Variants in GPR146 observed in about 807,000 individuals in gnomAD.
The protein encoded by GPR146 is G-protein coupled receptor 146.
For missense variants in GPR146, 381 were observed against 213.9 expected, an observed-to-expected ratio of 1.78 and a Z score of -4.87; for synonymous variants, 203 against 104.3, an observed-to-expected ratio of 1.95 and a Z score of -5.77.
At position 1,052,697 on chromosome 7, in the gene GPR146, G is replaced by A. The variant is rs557828884; in HGVS notation, c.-24-4795G>A. Reference sequence around the variant, plus strand: ...CCCTGCTGGCTGAGGGTGCAGTGGCGGGCCCCGGAAGCTGAATATCACCCC... The same window carrying A: ...CCCTGCTGGCTGAGGGTGCAGTGGCAGGCCCCGGAAGCTGAATATCACCCC... On this transcript the variant is annotated intron_variant, in intron 1 of 1. Coordinates refer to ENST00000444847, the MANE Select transcript of GPR146 (RefSeq NM_001303473.2). This position sits in a 1 kb window ranked among gnomAD's most constrained non-coding sequence, Gnocchi z 4.2. Among the ~76,000 whole-genome samples the A allele has an allele frequency of 1.1e-4, 16 of 152,182 alleles. 1 individual carries two copies. The highest frequency in any genetic ancestry group is 4.6e-4 in the Admixed American group (7 of 15,288).
intron 1 of GPR146, 100 bp from the exon 2 acceptor site, chr7:1,057,392 G>A (rs764780905): frequency 9.6e-5 from 58 of 605,176 alleles, no homozygotes; most frequent in Non-Finnish European, 1.4e-4. Context: ...GGTCTGCAGC[G>A]ATTACTGCAC....
chr7:1,046,307 G>A lies in GPR146; in HGVS notation c.-25+1649G>A, dbSNP rs530970064. On this transcript the variant is annotated intron_variant, in intron 1 of 1. Coordinates refer to ENST00000444847, the MANE Select transcript of GPR146 (RefSeq NM_001303473.2). ...ACCACAGCGAGGTCTTGCCTTTGCA[G>A]AAGGAAATTATCACCCAGAGAACCC... Among the ~76,000 whole-genome samples the A allele has an allele frequency of 7.9e-5, 12 of 152,340 alleles. No homozygotes were observed. The South Asian group carries it at 2.5e-3, about 32-fold the overall frequency.
intron 1 of GPR146, among the ~76,000 whole-genome samples, chr7:1,049,103 AC>A (rs1285333367): frequency 1.3e-5 from 2 of 152,158 alleles, no homozygotes; most frequent in African/African-American, 4.8e-5. Context: ...TGCAAGCGCC[AC>A]CCACAGGTGC....
intron 1 of GPR146, 24 bp downstream of exon 1, chr7:1,044,682 G>A (rs1782410564): frequency 6.6e-6 from 1 of 152,104 alleles, no homozygotes; most frequent in South Asian, 2.1e-4. Flanking sequence ...GGGAGCCTGG[G>A]TCGGGTCGGT....
chr7:1,049,015 CTGAGCGTGCGCTCCCCAGGCCTCCGCT>C (rs1381768814), intron 1 of GPR146, among the ~76,000 whole-genome samples: 17 of 152,104 alleles, frequency 1.1e-4, no homozygotes, highest in African/African-American at 3.6e-4. Flanking sequence ...CCTCTGCAGT[CTGAGCGTGCGCTCCCCAGGCCTCCGCT>C]GTCTGAGCGT....
Position 1,057,691 on chromosome 7 carries a change from T to C in GPR146, c.176T>C (p.Met59Thr), listed in dbSNP as rs1379962559. 2 of 774,146 alleles carry C rather than the reference T, an allele frequency of 2.6e-6. No homozygotes were observed. The highest frequency in any genetic ancestry group is 1.7e-5 in the African/African-American group (1 of 59,068). The allele number at this position is 774,146 out of a possible 1,614,324, so 48.0% of individuals were successfully genotyped here. A position where few individuals can be genotyped will look rare whatever the true frequency, so the allele number is the denominator to read the frequency against. Reference sequence around the variant, plus strand: ...GCCAACCTACACAGCAAGGCCAGCATGACCATGCCGGACGTGTACTTTGTC... The same window carrying C: ...GCCAACCTACACAGCAAGGCCAGCACGACCATGCCGGACGTGTACTTTGTC... ...VLANLHSKAS[M>T]TMPDVYFVNM... Residue 59 changes from methionine (M) to threonine (T), a missense_variant, in exon 2 of 2, where the codon ATG (methionine) becomes ACG (threonine). By Grantham distance (81) the Met-to-Thr change is moderately conservative (BLOSUM62 -1). Coordinates refer to ENST00000444847, the MANE Select transcript of GPR146 (RefSeq NM_001303473.2).
rs571765348 is a variant in GPR146, at chr7:1,052,094, C to T, written c.-24-5398C>T. On this transcript the variant is annotated intron_variant, in intron 1 of 1. Transcript: ENST00000444847. The surrounding 1 kb of genome is among the most constrained non-coding windows in gnomAD (Gnocchi z 4.2). ...CTGGGCCATCTTGGACAGCTGAGGC[C>T]CAGGCAGGGCCAGCTCCTTCCACCT... is the stretch of plus-strand genomic sequence containing the variant. 1.3e-5 allele frequency among the ~76,000 whole-genome samples: 2 copies of T among 152,254 alleles called. No individual in the cohort carries two copies. The highest frequency in any genetic ancestry group is 2.9e-5 in the Non-Finnish European group (2 of 68,050).
Position 1,058,542 on chromosome 7 carries a change from G to A in GPR146, c.*25G>A, listed in dbSNP as rs763038292. On this transcript the variant is annotated 3_prime_UTR_variant, in exon 2 of 2. Transcript: ENST00000444847. Reference sequence around the variant, plus strand: ...GGCGGCCCAGCCCTCCTGGGGAGACGTGACTCTGGTGGACGCAGAGCACTT... The same window carrying A: ...GGCGGCCCAGCCCTCCTGGGGAGACATGACTCTGGTGGACGCAGAGCACTT... 12 of 762,642 alleles carry A rather than the reference G, an allele frequency of 1.6e-5. No individual in the cohort carries two copies. Among genetic ancestry groups the A allele is most frequent in the Non-Finnish European group, 2.9e-5 (12 of 409,048 alleles). The allele number at this position is 762,642 out of a possible 1,614,324, so 47.2% of individuals were successfully genotyped here. A position where few individuals can be genotyped will look rare whatever the true frequency, so the allele number is the denominator to read the frequency against.
In GPR146 at chr7:1,057,622, T is replaced by C. The variant is rs760537314; in HGVS notation, c.107T>C (p.Val36Ala). 1 of 769,934 alleles carries C rather than the reference T, an allele frequency of 1.3e-6. No individual in the cohort carries two copies. The highest frequency in any genetic ancestry group is 2.4e-6 in the Non-Finnish European group (1 of 415,534). The allele number at this position is 769,934 out of a possible 1,614,324, so 47.7% of individuals were successfully genotyped here. A position where few individuals can be genotyped will look rare whatever the true frequency, so the allele number is the denominator to read the frequency against. Residue 36 changes from valine (V) to alanine (A), a missense_variant, in exon 2 of 2, where the codon GTG becomes GCG. By Grantham distance (64) the Val-to-Ala change is moderately conservative (BLOSUM62 0). Coordinates refer to ENST00000444847, the MANE Select transcript of GPR146 (RefSeq NM_001303473.2). ...LSLLSLLGLV[V>A]GVPVGLCYNA... is the part of the protein sequence containing the mutation. ...CTGTTGTCGCTGCTGGGCCTGGTGG[T>C]GGGCGTGCCAGTGGGCCTGTGCTAC...
intron 1 of GPR146, among the ~76,000 whole-genome samples, chr7:1,048,177 G>A (rs1017762670): frequency 1.3e-5 from 2 of 152,170 alleles, no homozygotes; most frequent in African/African-American, 4.8e-5. Flanking sequence ...TTCTAGGCAA[G>A]GGATCAACAT....
intron 1 of GPR146, among the ~76,000 whole-genome samples, chr7:1,049,730 G>T (rs995992325): frequency 5.9e-5 from 9 of 152,230 alleles, no homozygotes; most frequent in African/African-American, 2.2e-4. Flanking sequence ...TTAGACCAGA[G>T]GTCAAGGCAG....
rs1783157873 is a variant in GPR146, at chr7:1,052,007, A to C, written c.-24-5485A>C. Among the ~76,000 whole-genome samples the C allele has an allele frequency of 6.6e-6, 1 of 152,218 alleles. No homozygotes were observed. Among genetic ancestry groups the C allele is most frequent in the Non-Finnish European group, 1.5e-5 (1 of 68,034 alleles). ...CAGAAAAATAAAAACAGAAGGAGGAACAGATGAATCCCATTTGTGACATTA... is the reference window on the plus strand; with the variant it reads ...CAGAAAAATAAAAACAGAAGGAGGACCAGATGAATCCCATTTGTGACATTA... On this transcript the variant is annotated intron_variant, in intron 1 of 1. Transcript: ENST00000444847. This position sits in a 1 kb window ranked among gnomAD's most constrained non-coding sequence, Gnocchi z 4.2.
At chr7:1,055,579 A>T (rs1294504983) in intron 1 of GPR146, 3 of 382,178 alleles carry the variant, frequency 7.8e-6, no homozygotes, top group African/African-American at 4.2e-5. Flanking sequence ...TGTGCAGCAC[A>T]GGTGGGAGAG....
chr7:1,046,701 G>C (rs1276949619), intron 1 of GPR146, among the ~76,000 whole-genome samples: 2 of 150,198 alleles, frequency 1.3e-5, no homozygotes, highest in South Asian at 4.2e-4. Flanking sequence ...TTGAGCAGCA[G>C]AGGGACAAGG....
rs1002857655 is a variant in GPR146 at position 1,052,275 on chromosome 7, C to T, written c.-24-5217C>T. On this transcript the variant is annotated intron_variant, in intron 1 of 1. Transcript: ENST00000444847. The surrounding 1 kb of genome is among the most constrained non-coding windows in gnomAD (Gnocchi z 4.2). ...GTGCCCTCCTGAGAGGCAAGGCTGA[C>T]CTGCAGCGTCCAGCTCGGCTGGGGA... 2.6e-5 allele frequency among the ~76,000 whole-genome samples: 4 copies of T among 152,372 alleles called. No individual in the cohort carries two copies. Among genetic ancestry groups the T allele is most frequent in the African/African-American group, 7.2e-5 (3 of 41,594 alleles).
intron 1 of GPR146, among the ~76,000 whole-genome samples, chr7:1,046,066 A>G (rs927191531): frequency 1.3e-5 from 2 of 148,436 alleles, no homozygotes; most frequent in African/African-American, 5.0e-5. Context: ...TAGGATGTAA[A>G]GGCTGATTAT....
At position 1,057,747 on chromosome 7, in the gene GPR146, GC is replaced by G; in HGVS notation, c.235del (p.Leu79TrpfsTer45). 1 of 775,572 alleles carries G rather than the reference GC, an allele frequency of 1.3e-6. No homozygotes were observed. The allele number at this position is 775,572 out of a possible 1,614,324, so 48.0% of individuals were successfully genotyped here. A position where few individuals can be genotyped will look rare whatever the true frequency, so the allele number is the denominator to read the frequency against. ...GGCAGTGGCAGGCCTGGTGCTCAGC[GC>G]CCTGGCCCCTGTGCACCTGCTCGGC... ...NMAVAGLVLS[A>X]LAPVHLLGPP... is the part of the protein sequence containing the mutation. On this transcript the variant is annotated frameshift_variant, in exon 2 of 2. Transcript: ENST00000444847. LOFTEE classifies it low-confidence loss of function (END_TRUNC).
intron 1 of GPR146, among the ~76,000 whole-genome samples, chr7:1,051,641 G>C (rs774447744): frequency 6.6e-6 from 1 of 152,252 alleles, no homozygotes; most frequent in Non-Finnish European, 1.5e-5. Flanking sequence ...AGGACGGGCA[G>C]TAGGTGCAAG....
At chr7:1,049,361 G>A (rs117851034) in intron 1 of GPR146, among the ~76,000 whole-genome samples, 1,910 of 152,332 alleles carry the variant, frequency 0.013, 25 homozygotes, top group Admixed American at 0.02. Flanking sequence ...ACCCTCTTGT[G>A]CTTCACATGG....
Sources: gnomAD v4.1 joint callset for allele counts (sites outside exome capture counted in the v4.1 genomes callset) on GRCh38, gnomAD v4.1.1 for gene constraint, Gnocchi (gnomAD v3.1) non-coding constraint, MANE v1.5 for transcripts, NCBI Gene and HGNC (gene_info 2026-07-23, HGNC 2026-07-21) for gene names.